STT3A: variants seen among roughly 807,000 people sequenced by gnomAD.
STT3A encodes dolichyl-diphosphooligosaccharide--protein glycosyltransferase subunit STT3A.
Under a neutral mutation model 89.2 loss-of-function variants are expected in STT3A, and 34 were observed. The observed-to-expected ratio is 0.38, with a 90% CI of 0.29 to 0.51. The LOEUF is 0.51. Ranked by LOEUF, STT3A falls within the 20% of genes least tolerant of loss-of-function variation. STT3A has a pLI of 0.89. For synonymous variants in STT3A, 282 were observed against 310.3 expected (o/e 0.91, Z 0.96); for missense variants, 555 against 889.5 (o/e 0.62, Z 4.78).
intron 2 of STT3A, 28 bp from the exon 3 acceptor site, chr11:125,597,030 AT>A: frequency 6.2e-7 from 1 of 1,613,238 alleles, no homozygotes; most frequent in Non-Finnish European, 8.5e-7. Flanking sequence ...CACATTACCA[AT>A]AAAATATTAA....
chr11:125,609,513 T>C lies in STT3A; in HGVS notation c.1041T>C (p.Ala347=). Residue 347 remains alanine, a synonymous_variant, in exon 10 of 18, where the codon GCT becomes GCC. Coordinates refer to ENST00000392708, the MANE Select transcript of STT3A (RefSeq NM_152713.5). ...SYAKNNIPII[A]SVSEHQPTTW... ...CTAAGAACAACATCCCCATCATTGC[T>C]TCTGTGTCTGAGCATCAGCCCACAA... 6.2e-7 allele frequency: 1 copy of C among 1,614,186 alleles called. No individual in the cohort carries two copies. Among genetic ancestry groups the C allele is most frequent in the East Asian group, 2.2e-5 (1 of 44,882 alleles).
rs1940358605 is a variant in STT3A at position 125,621,870 on chromosome 11, C to A, written c.*1060C>A. On this transcript the variant is annotated 3_prime_UTR_variant, in exon 18 of 18. Coordinates refer to ENST00000392708, the MANE Select transcript of STT3A (RefSeq NM_152713.5). ...CCTGGGCAACATAAGGAGATTGTTT[C>A]TATGAAAAATAAAAATTAGCCAGGT... The A allele has an allele frequency of 6.6e-6, 1 of 152,106 alleles. No homozygotes were observed. The highest frequency in any genetic ancestry group is 1.5e-5 in the Non-Finnish European group (1 of 68,028). The allele number at this position is 152,106 out of a possible 1,614,324, so 9.4% of individuals were successfully genotyped here.
intron 3 of STT3A, among the ~76,000 whole-genome samples, chr11:125,602,004 C>T (rs1044458902): frequency 1.4e-4 from 21 of 152,020 alleles, no homozygotes; most frequent in Admixed American, 1.3e-4. Flanking sequence ...TCAACATGTT[C>T]GTCAGGCCAG....
At chr11:125,595,237 T>C (rs1939454095) in intron 1 of STT3A, among the ~76,000 whole-genome samples, 1 of 151,612 alleles carries the variant, frequency 6.6e-6, no homozygotes, top group Non-Finnish European at 1.5e-5. Flanking sequence ...AGTGGTGTGA[T>C]CCTAGCTCAC....
chr11:125,606,395 A>T lies in STT3A; in HGVS notation c.710A>T (p.Tyr237Phe). 6.2e-7 allele frequency: 1 copy of T among 1,614,158 alleles called. No homozygotes were observed. The highest frequency in any genetic ancestry group is 8.5e-7 in the Non-Finnish European group (1 of 1,180,024). Residue 237 changes from tyrosine (Y) to phenylalanine (F), a missense_variant, in exon 8 of 18, where the codon TAT (tyrosine) becomes TTT (phenylalanine). Coordinates refer to ENST00000392708, the MANE Select transcript of STT3A (RefSeq NM_152713.5). ...ACAGGCCGTTTCTCTCACCGGATCT[A>T]TGTGGCCTACTGTACTGTTTACTGC... ...MLTGRFSHRI[Y>F]VAYCTVYCLG...
chr11:125,616,448 A>G (rs11220162), intron 15 of STT3A, among the ~76,000 whole-genome samples: 5,538 of 152,282 alleles, frequency 0.036, 330 homozygotes, highest in African/African-American at 0.12. Flanking sequence ...GGTTTGTTGA[A>G]TTTATGGATG....
chr11:125,619,420 A>G (rs1236357840), intron 16 of STT3A, among the ~76,000 whole-genome samples: 1 of 152,162 alleles, frequency 6.6e-6, no homozygotes, highest in African/African-American at 2.4e-5. Context: ...CTAGTGTCAC[A>G]TAACTAATGG....
rs369277529 is a variant in STT3A, at chr11:125,596,752, G to A, written c.89-307G>A. ...TTAGTTATGTGTGTATGGTGGGGGA[G>A]TCAGCGTATATAAAAGATGACCATG... On this transcript the variant is annotated intron_variant, in intron 2 of 17. Coordinates refer to ENST00000392708, the MANE Select transcript of STT3A (RefSeq NM_152713.5). 3.9e-5 allele frequency among the ~76,000 whole-genome samples: 6 copies of A among 152,266 alleles called. No individual in the cohort carries two copies. The East Asian group carries it at 1.2e-3, about 29-fold the overall frequency.
At chr11:125,606,725 T>C (rs940274884) in intron 8 of STT3A, among the ~76,000 whole-genome samples, 7 of 152,160 alleles carry the variant, frequency 4.6e-5, no homozygotes, top group African/African-American at 1.7e-4. Context: ...GGATATTTAG[T>C]TGAGTTGAGT....
At chr11:125,596,965 C>G in intron 2 of STT3A, 94 bp from the exon 3 acceptor site, 1 of 1,336,294 alleles carries the variant, frequency 7.5e-7, no homozygotes, top group Non-Finnish European at 1.1e-6. Flanking sequence ...TCTGTGACCT[C>G]TCTACTGGAT....
At chr11:125,597,658 C>T (rs562306466) in intron 3 of STT3A, among the ~76,000 whole-genome samples, 33 of 152,022 alleles carry the variant, frequency 2.2e-4, no homozygotes, top group Admixed American at 5.9e-4. Context: ...TGACATTTTG[C>T]TGTTTGTTTG....
At chr11:125,609,100 C>T (rs903414360) in intron 9 of STT3A, among the ~76,000 whole-genome samples, 1 of 152,196 alleles carries the variant, frequency 6.6e-6, no homozygotes, top group South Asian at 2.1e-4. Context: ...TAATTCAGAG[C>T]AGGACTTGAG....
chr11:125,615,386 G>T (rs991120360), intron 15 of STT3A, among the ~76,000 whole-genome samples: 3 of 152,004 alleles, frequency 2.0e-5, no homozygotes, highest in African/African-American at 7.3e-5. Context: ...ATTTCTTCTA[G>T]TACTTACATG....
intron 7 of STT3A, 116 bp from the exon 8 acceptor site, chr11:125,606,185 A>G (rs1939830430): frequency 9.8e-7 from 1 of 1,022,710 alleles, no homozygotes; most frequent in Non-Finnish European, 1.4e-6. Flanking sequence ...TGGCATAAAT[A>G]AAGTTATAGT....
chr11:125,606,303 C>G lies in STT3A; in HGVS notation c.618C>G (p.Val206=). Residue 206 remains valine, a splice_region_variant and synonymous_variant, in exon 8 of 18, where the codon GTC becomes GTG. Coordinates refer to ENST00000392708, the MANE Select transcript of STT3A (RefSeq NM_152713.5). ...AKCALAYFYM[V]SSWGGYVFLI... is the part of the protein sequence containing the mutation. ...TGTTTTTTTCTATTCCATCATAGGT[C>G]TCGTCATGGGGAGGTTATGTGTTCC... 2 of 1,612,896 alleles carry G rather than the reference C, an allele frequency of 1.2e-6. No homozygotes were observed. Among genetic ancestry groups the G allele is most frequent in the Non-Finnish European group, 1.7e-6 (2 of 1,179,610 alleles).
intron 5 of STT3A, 43 bp downstream of exon 5, chr11:125,602,991 T>C (rs201527936): frequency 5.4e-4 from 862 of 1,611,060 alleles, no homozygotes; most frequent in Admixed American, 1.5e-3. Context: ...ATGAATGTTA[T>C]TGAGCCTCTC....
In STT3A at chr11:125,596,958, G is replaced by T. The variant is rs376548649; in HGVS notation, c.89-101G>T. On this transcript the variant is annotated intron_variant, in intron 2 of 17. Coordinates refer to ENST00000392708, the MANE Select transcript of STT3A (RefSeq NM_152713.5). ...ATTCAGGGATTATTTTATATTTTCT[G>T]TGACCTCTCTACTGGATAATACTGT... 126 of 1,247,510 alleles carry T rather than the reference G, an allele frequency of 1.0e-4. No individual in the cohort carries two copies. In the South Asian group the frequency reaches 1.6e-3, roughly 15 times the overall value. The allele number at this position is 1,247,510 out of a possible 1,614,324, so 77.3% of individuals were successfully genotyped here. A position where few individuals can be genotyped will look rare whatever the true frequency, so the allele number is the denominator to read the frequency against.
chr11:125,603,257 G>GA (rs900852605), intron 5 of STT3A: 519 of 221,324 alleles, frequency 2.3e-3, no homozygotes, highest in East Asian at 3.1e-3. Flanking sequence ...TAAGGGAGAG[G>GA]AAAAAAAAAC....
chr11:125,601,321 A>G (rs1939669457), intron 3 of STT3A, among the ~76,000 whole-genome samples: 1 of 152,168 alleles, frequency 6.6e-6, no homozygotes. Flanking sequence ...TGTTCCTGTC[A>G]CTTAAAAGCC....
Sources: allele counts gnomAD v4.1 joint callset (sites outside exome capture counted in the v4.1 genomes callset), GRCh38; gene constraint gnomAD v4.1.1; transcripts MANE v1.5; gene names NCBI Gene and HGNC (gene_info 2026-07-23, HGNC 2026-07-21).